MAPKAP1: variants seen among roughly 807,000 people sequenced by gnomAD.
MAPKAP1 encodes the protein target of rapamycin complex 2 subunit MAPKAP1.
Under a neutral mutation model 65.7 loss-of-function variants are expected in MAPKAP1, and 20 were observed. That is an observed-to-expected ratio of 0.30 (90% CI 0.21 to 0.44). The LOEUF is 0.44. Ranked by LOEUF, MAPKAP1 falls within the 20% of genes least tolerant of loss-of-function variation. The pLI is 1.00. For synonymous variants in MAPKAP1, 222 were observed against 244.3 expected (o/e 0.91, Z 0.85); for missense variants, 423 against 648.0 (o/e 0.65, Z 3.77).
chr9:125,476,124 C>T (rs909335816), intron 9 of MAPKAP1, among the ~76,000 whole-genome samples: 38 of 152,166 alleles, frequency 2.5e-4, no homozygotes, highest in African/African-American at 8.9e-4. Flanking sequence ...GAAGCTAGGC[C>T]TTAAGAAAAA....
chr9:125,616,928 A>T (rs996416425), intron 4 of MAPKAP1, among the ~76,000 whole-genome samples: 1 of 152,214 alleles, frequency 6.6e-6, no homozygotes, highest in African/African-American at 2.4e-5. Flanking sequence ...ATTGATTAGA[A>T]TAAAAAATAG....
intron 1 of MAPKAP1, among the ~76,000 whole-genome samples, chr9:125,689,009 T>A (rs184480361): frequency 1.3e-5 from 2 of 152,158 alleles, no homozygotes; most frequent in Admixed American, 6.5e-5. Flanking sequence ...CAGAGACTTA[T>A]CAGTTCATTC....
intron 11 of MAPKAP1, among the ~76,000 whole-genome samples, chr9:125,443,550 G>A (rs1246245620): frequency 6.6e-6 from 1 of 152,114 alleles, no homozygotes; most frequent in Non-Finnish European, 1.5e-5. Context: ...AGCATCTGGC[G>A]CTTCTTGGAA....
At chr9:125,589,893 T>C (rs2131587636) in intron 4 of MAPKAP1, among the ~76,000 whole-genome samples, 1 of 152,300 alleles carries the variant, frequency 6.6e-6, no homozygotes, top group South Asian at 2.1e-4. Flanking sequence ...CACATTCCCT[T>C]GTGTGGTTTT....
intron 3 of MAPKAP1, among the ~76,000 whole-genome samples, chr9:125,669,197 TC>T (rs1834425584): frequency 8.1e-6 from 1 of 122,760 alleles, no homozygotes; most frequent in African/African-American, 3.1e-5. Context: ...AAAAAAAAAA[TC>T]GGCTGGGCAC....
chr9:125,589,554 C>A lies in MAPKAP1; in HGVS notation c.499-3827G>T, dbSNP rs550868809. On this transcript the variant is annotated intron_variant, in intron 4 of 11. Coordinates refer to ENST00000265960, the MANE Select transcript of MAPKAP1 (RefSeq NM_001006617.3). ...TGCCCTTCCTCTATGGATCCATTTCCTGGTCATAGGTGAAAGTGGAGGGAC... is the reference window on the plus strand; with the variant it reads ...TGCCCTTCCTCTATGGATCCATTTCATGGTCATAGGTGAAAGTGGAGGGAC... Among the ~76,000 whole-genome samples the A allele has an allele frequency of 2.6e-5, 4 of 152,280 alleles. No individual in the cohort carries two copies. In the South Asian group the frequency reaches 8.3e-4, roughly 32 times the overall value.
rs1299977767 is a variant in MAPKAP1, at chr9:125,588,040, T to C, written c.499-2313A>G. On this transcript the variant is annotated intron_variant, in intron 4 of 11. Transcript: ENST00000265960. ...TCAAAAATGAAACACAGAATTACCA[T>C]ATGACCAAGCGATTCCATTCCTAGG... is the stretch of plus-strand genomic sequence containing the variant. Among the ~76,000 whole-genome samples the C allele has an allele frequency of 5.3e-5, 8 of 152,312 alleles. No individual in the cohort carries two copies. In the South Asian group the frequency reaches 1.7e-3, roughly 32 times the overall value.
chr9:125,474,544 T>C (rs1854035951), intron 9 of MAPKAP1, among the ~76,000 whole-genome samples: 1 of 152,148 alleles, frequency 6.6e-6, no homozygotes, highest in Non-Finnish European at 1.5e-5. Context: ...ATCAAATTAG[T>C]AAACTGGAGA....
intron 5 of MAPKAP1, among the ~76,000 whole-genome samples, chr9:125,576,944 G>A (rs556437010): frequency 3.0e-4 from 45 of 152,144 alleles, no homozygotes; most frequent in African/African-American, 9.6e-4. Flanking sequence ...CCGCCACCCC[G>A]TCTGGGAAGT....
chr9:125,568,624 TG>T (rs1831133870), intron 5 of MAPKAP1: 1 of 152,332 alleles, frequency 6.6e-6, no homozygotes, highest in Non-Finnish European at 1.5e-5. Context: ...TTAAAGATGA[TG>T]GGGCCCATCT....
At chr9:125,522,935 A>C (rs1350018993) in intron 7 of MAPKAP1, among the ~76,000 whole-genome samples, 1 of 152,160 alleles carries the variant, frequency 6.6e-6, no homozygotes, top group Non-Finnish European at 1.5e-5. Flanking sequence ...TCAGCTTGTC[A>C]AAATCACATC....
At chr9:125,576,505 CACGGTCTCCCTCTCCCT>C (rs1831403916) in intron 5 of MAPKAP1, among the ~76,000 whole-genome samples, 1 of 150,710 alleles carries the variant, frequency 6.6e-6, no homozygotes, top group Non-Finnish European at 1.5e-5. Context: ...TCCCTCTCCC[CACGGTCTCCCTCTCCCT>C]CTCCCCACGG....
chr9:125,521,419 C>T, intron 7 of MAPKAP1: 2 of 1,051,454 alleles, frequency 1.9e-6, no homozygotes, highest in East Asian at 5.8e-5. Flanking sequence ...TGTGACAATA[C>T]CAAATTTTAC....
intron 4 of MAPKAP1, among the ~76,000 whole-genome samples, chr9:125,611,417 G>C (rs1180266009): frequency 6.6e-6 from 1 of 152,060 alleles, no homozygotes; most frequent in Non-Finnish European, 1.5e-5. Context: ...ATAAGAAAGA[G>C]AAATTAAGAG....
At chr9:125,552,985 T>C (rs1022280066) in intron 6 of MAPKAP1, among the ~76,000 whole-genome samples, 4 of 152,176 alleles carry the variant, frequency 2.6e-5, no homozygotes, top group African/African-American at 9.7e-5. Flanking sequence ...ATGTATGATA[T>C]GGATGTGTAG....
chr9:125,550,837 G>C (rs1019884888), intron 6 of MAPKAP1, among the ~76,000 whole-genome samples: 1 of 152,242 alleles, frequency 6.6e-6, no homozygotes, highest in Non-Finnish European at 1.5e-5. Flanking sequence ...ACAACACACA[G>C]TTGGTCCTCT....
intron 10 of MAPKAP1, among the ~76,000 whole-genome samples, chr9:125,450,664 A>G (rs938049026): frequency 6.6e-6 from 1 of 152,198 alleles, no homozygotes; most frequent in African/African-American, 2.4e-5. Context: ...ATTCCTTTAC[A>G]TCAGGCATGG....
chr9:125,461,265 T>C (rs1853485104), intron 10 of MAPKAP1, among the ~76,000 whole-genome samples: 1 of 152,208 alleles, frequency 6.6e-6, no homozygotes. Flanking sequence ...CCCACACGCT[T>C]GGAAAAATTG....
At position 125,572,511 on chromosome 9, in the gene MAPKAP1, G is replaced by T. The variant is rs140894528; in HGVS notation, c.672-12702C>A. On this transcript the variant is annotated intron_variant, in intron 5 of 11. Coordinates refer to ENST00000265960, the MANE Select transcript of MAPKAP1 (RefSeq NM_001006617.3). ...TGGAGAATGAAATATTATGTTTCAA[G>T]AACTATGGTACACTTTCTACTAAAT... is the stretch of plus-strand genomic sequence containing the variant. 2.0e-5 allele frequency among the ~76,000 whole-genome samples: 3 copies of T among 152,322 alleles called. No homozygotes were observed. The East Asian group carries it at 5.8e-4, about 29-fold the overall frequency.
Sources: allele counts gnomAD v4.1 joint callset (sites outside exome capture counted in the v4.1 genomes callset), GRCh38; gene constraint gnomAD v4.1.1; transcripts MANE v1.5; gene names NCBI Gene and HGNC (gene_info 2026-07-23, HGNC 2026-07-21).